The following MGAT4A variants were observed in gnomAD, a reference collection of about 807,000 sequenced individuals.
MGAT4A encodes N-acetylglucosaminyltransferase IVa.
A neutral mutation model predicts 74.1 loss-of-function variants in MGAT4A; 33 were observed. The observed-to-expected ratio is 0.45, with a 90% CI of 0.34 to 0.60. The LOEUF (loss-of-function observed/expected upper bound fraction) is 0.60. MGAT4A is among the 20% of genes least tolerant of loss of function. The probability of loss-of-function intolerance (pLI) is 0.02; values close to 1 mark genes in which losing one functional copy is unlikely to be tolerated. For missense variants in MGAT4A, 479 were observed against 628.3 expected, an observed-to-expected ratio of 0.76 and a Z score of 2.54; for synonymous variants, 198 against 210.4, an observed-to-expected ratio of 0.94 and a Z score of 0.51.
intron 2 of MGAT4A, among the ~76,000 whole-genome samples, chr2:98,697,237 C>G (rs963847787): frequency 6.6e-6 from 1 of 152,198 alleles, no homozygotes; most frequent in African/African-American, 2.4e-5. Flanking sequence ...GCAAACTACT[C>G]AAACACCCAG....
intron 8 of MGAT4A, among the ~76,000 whole-genome samples, chr2:98,649,799 C>A (rs1013207783): frequency 6.6e-6 from 1 of 152,100 alleles, no homozygotes; most frequent in South Asian, 2.1e-4. Flanking sequence ...CCTTCCACTA[C>A]AAAACCAAAC....
chr2:98,718,833 A>G (rs1323049053), intron 2 of MGAT4A, among the ~76,000 whole-genome samples: 1 of 152,142 alleles, frequency 6.6e-6, no homozygotes, highest in Non-Finnish European at 1.5e-5. Context: ...CTGGGCTTGT[A>G]AGGCAGTGGT....
chr2:98,666,194 C>A (rs1404591309), intron 4 of MGAT4A, among the ~76,000 whole-genome samples: 2 of 152,018 alleles, frequency 1.3e-5, no homozygotes, highest in Admixed American at 1.3e-4. Context: ...GATGGAGACC[C>A]TTGCAAATAG....
rs529912370 is a variant in MGAT4A, at chr2:98,636,040, C to A, written c.1401+477G>T. On this transcript the variant is annotated intron_variant, in intron 13 of 15. Transcript: ENST00000393487. ...AAATAAAATAAAATACGATTCATTT[C>A]TTTTTCTAGTAGAAACGTTCATATT... Among the ~76,000 whole-genome samples, 20 of 144,446 alleles carry A rather than the reference C, an allele frequency of 1.4e-4. No homozygotes were observed. In the East Asian group the frequency reaches 3.8e-3, roughly 27 times the overall value. The allele number at this position is 144,446 out of a possible 152,430, so 94.8% of individuals were successfully genotyped here.
intron 2 of MGAT4A, among the ~76,000 whole-genome samples, chr2:98,715,484 T>A (rs995651148): frequency 6.6e-6 from 1 of 151,898 alleles, no homozygotes; most frequent in Non-Finnish European, 1.5e-5. Flanking sequence ...AAGAACGAGA[T>A]CATGTCCTCT....
rs1273245765 is a variant in MGAT4A, at chr2:98,625,162, T to TAA, written c.*402_*403dup. 3.8e-6 allele frequency: 3 copies of TAA among 791,486 alleles called. No homozygotes were observed. Among genetic ancestry groups the TAA allele is most frequent in the African/African-American group, 1.9e-5 (1 of 53,152 alleles). 49.0% of individuals were successfully genotyped at this position (791,486 alleles called of 1,614,324 possible). ...ATGTATATTTATATATTTATATATA[T>TAA]AATCCCTGATAATCTATAAAAGAGG... On this transcript the variant is annotated 3_prime_UTR_variant, in exon 16 of 16. Transcript: ENST00000393487.
At chr2:98,666,917 G>A (rs1448985377) in intron 4 of MGAT4A, among the ~76,000 whole-genome samples, 5 of 152,170 alleles carry the variant, frequency 3.3e-5, no homozygotes, top group African/African-American at 4.8e-5. Flanking sequence ...GATGGCACGT[G>A]ATATGGTTTG....
intron 12 of MGAT4A, among the ~76,000 whole-genome samples, chr2:98,639,559 A>T (rs1036048742): frequency 6.6e-6 from 1 of 152,196 alleles, no homozygotes; most frequent in African/African-American, 2.4e-5. Flanking sequence ...GTATTAAAAA[A>T]TTATACTAGA....
At chr2:98,711,900 G>A (rs1702523909) in intron 2 of MGAT4A, among the ~76,000 whole-genome samples, 1 of 152,162 alleles carries the variant, frequency 6.6e-6, no homozygotes, top group African/African-American at 2.4e-5. Context: ...TTGGGATTAT[G>A]GGCATGAGTC....
At chr2:98,706,468 T>C (rs1365542319) in intron 2 of MGAT4A, among the ~76,000 whole-genome samples, 1 of 152,082 alleles carries the variant, frequency 6.6e-6, no homozygotes, top group Non-Finnish European at 1.5e-5. Flanking sequence ...TAGCAGGGAC[T>C]ATAGGCGCCC....
chr2:98,724,626 T>G (rs1196951328), intron 2 of MGAT4A, among the ~76,000 whole-genome samples: 3 of 152,206 alleles, frequency 2.0e-5, no homozygotes, highest in Non-Finnish European at 4.4e-5. Flanking sequence ...TAATTAATTT[T>G]CATTCTAAAG....
chr2:98,649,427 A>G (rs1183071084), intron 8 of MGAT4A, among the ~76,000 whole-genome samples: 2 of 152,114 alleles, frequency 1.3e-5, no homozygotes, highest in African/African-American at 2.4e-5. Context: ...TCAATTCCCG[A>G]CTTCTCCCTA....
intron 14 of MGAT4A, among the ~76,000 whole-genome samples, chr2:98,626,848 TTA>T (rs1701152292): frequency 6.6e-6 from 1 of 152,192 alleles, no homozygotes; most frequent in Non-Finnish European, 1.5e-5. Flanking sequence ...TAATGATATT[TTA>T]TATACATCTT....
rs1193227965 is a variant in MGAT4A, at chr2:98,639,081, T to C, written c.1322+727A>G. 3.3e-5 allele frequency among the ~76,000 whole-genome samples: 5 copies of C among 152,198 alleles called. No individual in the cohort carries two copies. In the East Asian group the frequency reaches 9.6e-4, roughly 29 times the overall value. ...GGGTGGATCACCTGAGGTCAGGAGT[T>C]TGAGACCAGCCTGGCCAACATGGTG... On this transcript the variant is annotated intron_variant, in intron 12 of 15. Transcript: ENST00000393487.
intron 14 of MGAT4A, among the ~76,000 whole-genome samples, chr2:98,628,043 T>C (rs1701173262): frequency 6.6e-6 from 1 of 152,236 alleles, no homozygotes; most frequent in South Asian, 2.1e-4. Context: ...AACTAAGCCA[T>C]CTTCTCCACA....
intron 1 of MGAT4A, among the ~76,000 whole-genome samples, chr2:98,727,710 G>A (rs1702785931): frequency 6.6e-6 from 1 of 152,190 alleles, no homozygotes; most frequent in African/African-American, 2.4e-5. Context: ...CCATTTGCAG[G>A]CAATTCAGAA....
intron 1 of MGAT4A, among the ~76,000 whole-genome samples, chr2:98,729,919 G>T (rs1338766432): frequency 6.6e-6 from 1 of 152,046 alleles, no homozygotes; most frequent in Non-Finnish European, 1.5e-5. Flanking sequence ...TTTATAAACG[G>T]GTCAGTAGTT....
intron 3 of MGAT4A, 84 bp from the exon 4 acceptor site, chr2:98,675,259 A>G (rs1393707429): frequency 9.5e-6 from 9 of 952,132 alleles, no homozygotes; most frequent in African/African-American, 1.7e-5. Flanking sequence ...AAAATTAATA[A>G]GAACTAGAAC....
At chr2:98,694,436 C>A in intron 2 of MGAT4A, 1 of 153,790 alleles carries the variant, frequency 6.5e-6, no homozygotes, top group South Asian at 2.1e-4. Context: ...ATTCAATAGC[C>A]AATGCAACTA....
Sources: gnomAD v4.1 joint callset for allele counts (sites outside exome capture counted in the v4.1 genomes callset) on GRCh38, gnomAD v4.1.1 for gene constraint, MANE v1.5 for transcripts, NCBI Gene and HGNC (gene_info 2026-07-23, HGNC 2026-07-21) for gene names.